CADPS: variants seen among roughly 807,000 people sequenced by gnomAD.
CADPS encodes calcium dependent secretion activator.
In CADPS, 57 loss-of-function variants were observed where a neutral mutation model predicts 167.3. That is an observed-to-expected ratio of 0.34 (90% CI 0.28 to 0.42). CADPS has a LOEUF of 0.42. Among genes scored for constraint, CADPS ranks in the 20% least tolerant of loss-of-function variants. The pLI is 1.00. For missense variants in CADPS, 1,414 were observed against 1,738.1 expected (o/e 0.81, Z 3.32); for synonymous variants, 676 against 635.3 (o/e 1.06, Z -0.96).
chr3:62,644,405 A>G (rs560328649), intron 6 of CADPS, among the ~76,000 whole-genome samples: 3 of 152,320 alleles, frequency 2.0e-5, no homozygotes, highest in East Asian at 3.9e-4. Context: ...CTGAGAGTCT[A>G]CTGACCCTAA....
intron 1 of CADPS, among the ~76,000 whole-genome samples, chr3:62,783,653 A>G (rs1429723442): frequency 2.0e-5 from 3 of 152,194 alleles, no homozygotes; most frequent in Admixed American, 2.0e-4. Context: ...AAAGATATAT[A>G]TGTAAGACTG....
At chr3:62,505,270 C>G (rs1057171496) in intron 17 of CADPS, among the ~76,000 whole-genome samples, 3 of 152,212 alleles carry the variant, frequency 2.0e-5, no homozygotes, top group African/African-American at 4.8e-5. Context: ...TATCCACTCC[C>G]TTTCAAAAGG....
At chr3:62,734,047 T>C (rs992737221) in intron 3 of CADPS, among the ~76,000 whole-genome samples, 4 of 152,326 alleles carry the variant, frequency 2.6e-5, no homozygotes, top group Non-Finnish European at 5.9e-5. Flanking sequence ...TTGATGGACA[T>C]TTAGGTTGGT....
intron 26 of CADPS, among the ~76,000 whole-genome samples, chr3:62,449,236 CAG>C (rs2057690693): frequency 6.6e-6 from 1 of 152,240 alleles, no homozygotes; most frequent in Admixed American, 6.5e-5. Flanking sequence ...GAAGCTCAAA[CAG>C]AGGCTAGGTA....
At chr3:62,518,612 G>C (rs1250885394) in intron 13 of CADPS, among the ~76,000 whole-genome samples, 1 of 152,152 alleles carries the variant, frequency 6.6e-6, no homozygotes, top group Non-Finnish European at 1.5e-5. Flanking sequence ...ATACGATTCT[G>C]ATTTCTGTTT....
chr3:62,526,136 G>A (rs1055904555), intron 13 of CADPS, among the ~76,000 whole-genome samples: 1 of 152,156 alleles, frequency 6.6e-6, no homozygotes, highest in African/African-American at 2.4e-5. Flanking sequence ...CAGGAGAAAA[G>A]TGAGTTCCAT....
chr3:62,494,669 ATTTTT>A (rs56153630), intron 18 of CADPS, among the ~76,000 whole-genome samples: 57 of 118,606 alleles, frequency 4.8e-4, no homozygotes, highest in Non-Finnish European at 4.5e-4. Flanking sequence ...CTTACCAGCA[ATTTTT>A]TTTTTTTTTT....
chr3:62,651,728 C>A (rs1020423244), intron 4 of CADPS, among the ~76,000 whole-genome samples: 15 of 152,156 alleles, frequency 9.9e-5, no homozygotes, highest in African/African-American at 3.4e-4. Context: ...GTAATTGCAA[C>A]ACGTGCTAAC....
At chr3:62,660,033 A>T (rs1004681492) in intron 4 of CADPS, among the ~76,000 whole-genome samples, 14 of 152,150 alleles carry the variant, frequency 9.2e-5, no homozygotes, top group Non-Finnish European at 1.8e-4. Flanking sequence ...ATAATATCTC[A>T]TTTAGCTTCA....
intron 1 of CADPS, chr3:62,779,646 T>C: frequency 3.8e-6 from 2 of 530,272 alleles, no homozygotes. Context: ...AGGCATAGGC[T>C]GTCTCCTTAC....
At chr3:62,548,020 T>C (rs1173282759) in intron 11 of CADPS, among the ~76,000 whole-genome samples, 3 of 152,154 alleles carry the variant, frequency 2.0e-5, no homozygotes, top group East Asian at 3.9e-4. Context: ...TGAAGATTAT[T>C]TGGAAATAAG....
intron 7 of CADPS, among the ~76,000 whole-genome samples, chr3:62,590,823 A>G (rs548498225): frequency 6.6e-6 from 1 of 152,084 alleles, no homozygotes; most frequent in South Asian, 2.1e-4. Context: ...ATTAAACCAG[A>G]ATGAAATAAA....
At position 62,421,342 on chromosome 3, in the gene CADPS, C is replaced by T. The variant is rs578094623; in HGVS notation, c.3777+16762G>A. ...TTGAATAAGCTCTCAGTACTTGAGG[C>T]GCACAGCGAGCGCCTGAATGGGGCA... On this transcript the variant is annotated intron_variant, in intron 28 of 29. Coordinates refer to ENST00000383710, the MANE Select transcript of CADPS (RefSeq NM_003716.4). The surrounding 1 kb of genome is among the most constrained non-coding windows in gnomAD (Gnocchi z 4.7). Among the ~76,000 whole-genome samples, 15 of 151,906 alleles carry T rather than the reference C, an allele frequency of 9.9e-5. No individual in the cohort carries two copies. Among genetic ancestry groups the T allele is most frequent in the East Asian group, 7.8e-4 (4 of 5,130 alleles).
intron 3 of CADPS, among the ~76,000 whole-genome samples, chr3:62,688,094 C>G (rs900579327): frequency 6.6e-6 from 1 of 151,986 alleles, no homozygotes; most frequent in Non-Finnish European, 1.5e-5. Context: ...ATCAGTTAAT[C>G]GAGAATCAAG....
At chr3:62,547,735 C>T (rs762698554) in intron 11 of CADPS, among the ~76,000 whole-genome samples, 19 of 151,990 alleles carry the variant, frequency 1.3e-4, no homozygotes, top group Non-Finnish European at 1.5e-4. Context: ...AACTAGTGTT[C>T]TAATTTCACA....
rs1344769170 is a variant in CADPS, at chr3:62,491,382, A to C, written c.2983T>G (p.Ser995Ala). The C allele has an allele frequency of 6.2e-7, 1 of 1,614,016 alleles. No homozygotes were observed. Among genetic ancestry groups the C allele is most frequent in the South Asian group, 1.1e-5 (1 of 91,086 alleles). ...VDLMESSIAQSIHRGFERESW... is the reference protein window; with the variant it reads ...VDLMESSIAQAIHRGFERESW... ...TCCCGCTCAAAGCCCCTGTGAATGG[A>C]TTGTGCAATTGAGGACTCCATCAGA... is the stretch of plus-strand genomic sequence containing the variant. The change falls in exon 21 of 30, where the codon TCC (serine) becomes GCC (alanine). Residue 995 changes from serine (S) to alanine (A), a missense_variant. Around this residue, in one of 6 missense-constraint regions of CADPS, gnomAD observed 529 missense variants for 629.6 expected, o/e 0.84. Transcript: ENST00000383710.
At chr3:62,829,359 G>C (rs1451612141) in intron 1 of CADPS, among the ~76,000 whole-genome samples, 1 of 152,040 alleles carries the variant, frequency 6.6e-6, no homozygotes, top group African/African-American at 2.4e-5. Flanking sequence ...AATTATATGA[G>C]AGGCTATGTG....
chr3:62,456,740 C>T (rs2058722734), intron 26 of CADPS, among the ~76,000 whole-genome samples: 1 of 149,446 alleles, frequency 6.7e-6, no homozygotes, highest in East Asian at 1.9e-4. Context: ...TCTCTCTTCC[C>T]TTTCTCTTTA....
chr3:62,692,740 T>C (rs1412479083), intron 3 of CADPS, among the ~76,000 whole-genome samples: 1 of 152,064 alleles, frequency 6.6e-6, no homozygotes, highest in Non-Finnish European at 1.5e-5. Context: ...ACTCCTGTAA[T>C]ACACAGCCCA....
Sources: gnomAD v4.1 joint callset for allele counts (sites outside exome capture counted in the v4.1 genomes callset) on GRCh38, gnomAD v4.1.1 for gene constraint, gnomAD v4.1.1 regional missense constraint, Gnocchi (gnomAD v3.1) non-coding constraint, MANE v1.5 for transcripts, NCBI Gene and HGNC (gene_info 2026-07-23, HGNC 2026-07-21) for gene names.